Variants in CDH1 observed in about 807,000 individuals in gnomAD.
CDH1 encodes cadherin-1.
Under a neutral mutation model 84.5 loss-of-function variants are expected in CDH1, and 35 were observed. That is an observed-to-expected ratio of 0.41 (90% CI 0.32 to 0.55). The LOEUF (loss-of-function observed/expected upper bound fraction) is 0.55. CDH1 is among the 20% of genes least tolerant of loss of function. The pLI, the probability that CDH1 is intolerant of heterozygous loss-of-function variation, is 0.19. For synonymous variants in CDH1, 417 were observed against 439.0 expected (o/e 0.95, Z 0.63); for missense variants, 994 against 1,126.6 (o/e 0.88, Z 1.68).
chr16:68,789,981 G>A (rs767704691), intron 2 of CDH1, among the ~76,000 whole-genome samples: 14 of 152,128 alleles, frequency 9.2e-5, no homozygotes, highest in Non-Finnish European at 1.5e-4. Context: ...ACTTGAACCC[G>A]GGAGGCAGAG....
intron 2 of CDH1, among the ~76,000 whole-genome samples, chr16:68,762,172 C>T (rs1486249444): frequency 6.6e-6 from 1 of 152,174 alleles, no homozygotes; most frequent in Non-Finnish European, 1.5e-5. Flanking sequence ...ATTCTGACCC[C>T]TCCACTGGGG....
chr16:68,801,470 G>T (rs535135551), intron 2 of CDH1, among the ~76,000 whole-genome samples, 200 bp from the exon 3 acceptor site: 48 of 152,246 alleles, frequency 3.2e-4, no homozygotes, highest in African/African-American at 1.1e-3. Flanking sequence ...AGATGAGAAA[G>T]AAATCAGAGC....
chr16:68,806,796 C>T (rs1419900026), intron 3 of CDH1, among the ~76,000 whole-genome samples: 3 of 152,164 alleles, frequency 2.0e-5, no homozygotes, highest in South Asian at 2.1e-4. Context: ...CTGCCCTTGG[C>T]GCAGGCTGGG....
chr16:68,798,833 C>G (rs1287994812), intron 2 of CDH1, among the ~76,000 whole-genome samples: 1 of 152,062 alleles, frequency 6.6e-6, no homozygotes, highest in Non-Finnish European at 1.5e-5. Flanking sequence ...AAAAGAAATT[C>G]CTATTTTAGA....
chr16:68,737,385 G>T lies in CDH1; in HGVS notation c.-31G>T. On this transcript the variant is annotated 5_prime_UTR_variant, in exon 1 of 16. Coordinates refer to ENST00000261769, the MANE Select transcript of CDH1 (RefSeq NM_004360.5). ...CCGGCCCGACCCGACCGCACCCGGC[G>T]CCTGCCCTCGCTCGGCGTCCCCGGC... 1 of 1,528,126 alleles carries T rather than the reference G, an allele frequency of 6.5e-7. No individual in the cohort carries two copies. The highest frequency in any genetic ancestry group is 8.7e-7 in the Non-Finnish European group (1 of 1,143,210). 94.7% of individuals were successfully genotyped at this position (1,528,126 alleles called of 1,614,324 possible). A position where few individuals can be genotyped will look rare whatever the true frequency, so the allele number is the denominator to read the frequency against.
chr16:68,784,832 G>A (rs535669831), intron 2 of CDH1, among the ~76,000 whole-genome samples: 64 of 148,492 alleles, frequency 4.3e-4, no homozygotes, highest in African/African-American at 1.4e-3. Context: ...CAGCTTATAA[G>A]TTCCTAGGTC....
chr16:68,786,704 T>C (rs1960061371), intron 2 of CDH1, among the ~76,000 whole-genome samples: 1 of 152,056 alleles, frequency 6.6e-6, no homozygotes, highest in African/African-American at 2.4e-5. Flanking sequence ...CATCAATGCT[T>C]ATTTGTTCTT....
chr16:68,817,810 C>G (rs1351856775), intron 10 of CDH1, among the ~76,000 whole-genome samples: 1 of 152,052 alleles, frequency 6.6e-6, no homozygotes, highest in African/African-American at 2.4e-5. Context: ...AGAGCCATGC[C>G]AACGAAAGGC....
intron 2 of CDH1, among the ~76,000 whole-genome samples, chr16:68,746,933 A>T (rs1350963177): frequency 6.6e-6 from 1 of 152,160 alleles, no homozygotes; most frequent in African/African-American, 2.4e-5. Context: ...TGGGCAACAG[A>T]GCGATACTCC....
chr16:68,823,400 C>A lies in CDH1; in HGVS notation c.1938C>A (p.Thr646=), dbSNP rs1356090054. ...ANWTIQYNDP[T]QESIILKPKM... is the part of the protein sequence containing the mutation. ...ATTTCTTTTTATTGCTTTCTCCAGC[C>A]CAAGAATCTATCATTTTGAAGCCAA... Residue 646 remains threonine, a splice_region_variant and synonymous_variant, in exon 13 of 16, where the codon ACC becomes ACA. Transcript: ENST00000261769. 1 of 1,606,112 alleles carries A rather than the reference C, an allele frequency of 6.2e-7. No homozygotes were observed. Among genetic ancestry groups the A allele is most frequent in the South Asian group, 1.1e-5 (1 of 90,894 alleles).
At chr16:68,825,801 A>ATTTT (rs1961305840) in intron 13 of CDH1, among the ~76,000 whole-genome samples, 2 of 132,834 alleles carry the variant, frequency 1.5e-5, no homozygotes, top group African/African-American at 6.6e-5. Context: ...TCTAAAGGGA[A>ATTTT]TCTTTTTTTT....
At chr16:68,757,967 C>CTTTTTTTTTTTT (rs58385798) in intron 2 of CDH1, among the ~76,000 whole-genome samples, 1 of 113,356 alleles carries the variant, frequency 8.8e-6, no homozygotes, top group Non-Finnish European at 1.8e-5. Context: ...CCAGGCTAAT[C>CTTTTTTTTTTTT]TTTTTTTTTT....
Position 68,802,852 on chromosome 16 carries a change from C to T in CDH1, c.387+959C>T, listed in dbSNP as rs187657075. On this transcript the variant is annotated intron_variant, in intron 3 of 15. Coordinates refer to ENST00000261769, the MANE Select transcript of CDH1 (RefSeq NM_004360.5). Reference sequence around the variant, plus strand: ...GTGAAGAAGGAGAAGAACCAGTGGGCAGCTCTTACCCCATTAGACTATAAC... The same window carrying T: ...GTGAAGAAGGAGAAGAACCAGTGGGTAGCTCTTACCCCATTAGACTATAAC... Among the ~76,000 whole-genome samples the T allele has an allele frequency of 5.9e-5, 9 of 152,224 alleles. No individual in the cohort carries two copies. The East Asian group carries it at 1.7e-3, about 29-fold the overall frequency.
chr16:68,820,317 G>A (rs2152137447), intron 11 of CDH1, among the ~76,000 whole-genome samples: 1 of 151,942 alleles, frequency 6.6e-6, no homozygotes. Flanking sequence ...CATTTCCAAA[G>A]CTTAATACTT....
At chr16:68,739,020 T>C (rs1308582017) in intron 2 of CDH1, among the ~76,000 whole-genome samples, 1 of 133,302 alleles carries the variant, frequency 7.5e-6, no homozygotes, top group East Asian at 2.4e-4. Context: ...CAATCATAGC[T>C]TACTGCAGCC....
At chr16:68,773,002 A>C (rs970722146) in intron 2 of CDH1, among the ~76,000 whole-genome samples, 1 of 152,200 alleles carries the variant, frequency 6.6e-6, no homozygotes, top group African/African-American at 2.4e-5. Flanking sequence ...CAAGAACTTC[A>C]TCGTAATACA....
At chr16:68,769,707 C>T (rs111476826) in intron 2 of CDH1, among the ~76,000 whole-genome samples, 3 of 151,818 alleles carry the variant, frequency 2.0e-5, no homozygotes, top group Admixed American at 6.6e-5. Context: ...GTGGGAGTAT[C>T]GCCGGAGTCC....
intron 2 of CDH1, among the ~76,000 whole-genome samples, chr16:68,753,538 C>T (rs1043347024): frequency 1.3e-5 from 2 of 151,712 alleles, no homozygotes; most frequent in African/African-American, 2.4e-5. Flanking sequence ...GGGGTTTCAC[C>T]GTGTTACCCA....
intron 2 of CDH1, among the ~76,000 whole-genome samples, chr16:68,747,780 C>G (rs1807155392): frequency 6.6e-6 from 1 of 151,996 alleles, no homozygotes; most frequent in South Asian, 2.1e-4. Context: ...ACATATCTTC[C>G]TTAGACCGAA....
Sources: allele counts gnomAD v4.1 joint callset (sites outside exome capture counted in the v4.1 genomes callset), GRCh38; gene constraint gnomAD v4.1.1; transcripts MANE v1.5; gene names NCBI Gene and HGNC (gene_info 2026-07-23, HGNC 2026-07-21).